AGPAT3: variants seen among roughly 807,000 people sequenced by gnomAD.
The protein encoded by AGPAT3 is 1-acylglycerol-3-phosphate O-acyltransferase 3, also known as 1-acyl-sn-glycerol-3-phosphate acyltransferase gamma.
Under a neutral mutation model 47.3 loss-of-function variants are expected in AGPAT3, and 5 were observed. The observed-to-expected ratio is 0.11, with a 90% CI of 0.06 to 0.22. The LOEUF (loss-of-function observed/expected upper bound fraction) is 0.22, where lower values mean the gene tolerates loss of function less well. Ranked by LOEUF, AGPAT3 falls within the 10% of genes least tolerant of loss-of-function variation. The probability of loss-of-function intolerance (pLI) is 1.00; values close to 1 mark genes in which losing one functional copy is unlikely to be tolerated. For synonymous variants in AGPAT3, 212 were observed against 208.3 expected, an observed-to-expected ratio of 1.02 and a Z score of -0.15; for missense variants, 315 against 493.0, an observed-to-expected ratio of 0.64 and a Z score of 3.42.
At chr21:43,917,940 T>TGTTGTAGGGGGTGTGGGTGTTGGG (rs2086781934) in intron 2 of AGPAT3, among the ~76,000 whole-genome samples, 1 of 25,498 alleles carries the variant, frequency 3.9e-5, no homozygotes, top group East Asian at 2.4e-3. Flanking sequence ...GTGTTGTGGG[T>TGTTGTAGGGGGTGTGGGTGTTGGG]GTTGTGGGGG....
chr21:43,928,626 T>C (rs548201688), intron 2 of AGPAT3, among the ~76,000 whole-genome samples: 152 of 152,372 alleles, frequency 1.0e-3, no homozygotes, highest in Non-Finnish European at 1.8e-3. Context: ...ATGCGCATTT[T>C]AGTAATCGTG....
chr21:43,921,838 C>T (rs148227164), intron 2 of AGPAT3, among the ~76,000 whole-genome samples: 3 of 151,914 alleles, frequency 2.0e-5, no homozygotes, highest in East Asian at 3.9e-4. Context: ...TTTTTTAACA[C>T]GATACTAACC....
In AGPAT3 at chr21:43,985,318, C is replaced by T. The variant is rs777372035; in HGVS notation, c.*2926C>T. 1.4e-5 allele frequency: 6 copies of T among 416,470 alleles called. No individual in the cohort carries two copies. The highest frequency in any genetic ancestry group is 8.2e-5 in the African/African-American group (4 of 48,792). 25.8% of individuals were successfully genotyped at this position (416,470 alleles called of 1,614,324 possible). A position where few individuals can be genotyped will look rare whatever the true frequency, so the allele number is the denominator to read the frequency against. ...CTTTAAGGTCCCTGTCCTCAGGAAG[C>T]GCAGTCTGGTGGAAGAGATGAGCGC... On this transcript the variant is annotated 3_prime_UTR_variant, in exon 10 of 10. Coordinates refer to ENST00000291572, the MANE Select transcript of AGPAT3 (RefSeq NM_020132.5).
At chr21:43,881,952 C>T (rs188980813) in intron 1 of AGPAT3, among the ~76,000 whole-genome samples, 186 of 152,378 alleles carry the variant, frequency 1.2e-3, no homozygotes, top group African/African-American at 4.0e-3. Context: ...CCACCATGCA[C>T]GGCCTATTAA....
chr21:43,905,155 ATATTTATTTATTTATT>A (rs71334019), intron 2 of AGPAT3, among the ~76,000 whole-genome samples: 1,562 of 138,522 alleles, frequency 0.011, 43 homozygotes, highest in African/African-American at 0.034. Context: ...TTTAAAAAAA[ATATTTATTTATTTATT>A]TATTTATTTA....
At chr21:43,963,855 A>G (rs948030657) in intron 3 of AGPAT3, among the ~76,000 whole-genome samples, 12 of 152,236 alleles carry the variant, frequency 7.9e-5, no homozygotes, top group Admixed American at 6.5e-4. Context: ...AAGATCCTCA[A>G]TGTGCTGGAA....
chr21:43,918,462 CA>C (rs1357040860), intron 2 of AGPAT3, among the ~76,000 whole-genome samples: 11 of 151,740 alleles, frequency 7.2e-5, no homozygotes, highest in Admixed American at 7.2e-4. Context: ...AAGTGGGGAA[CA>C]GGGGGAAATG....
rs769965901 is a variant in AGPAT3, at chr21:43,952,341, T to C, written c.-48-7293T>C. Among the ~76,000 whole-genome samples the C allele has an allele frequency of 2.5e-4, 38 of 152,222 alleles. No homozygotes were observed. The highest frequency in any genetic ancestry group is 4.6e-4 in the Non-Finnish European group (31 of 68,004). On this transcript the variant is annotated intron_variant, in intron 2 of 9. Coordinates refer to ENST00000291572, the MANE Select transcript of AGPAT3 (RefSeq NM_020132.5). The surrounding 1 kb of genome is among the most constrained non-coding windows in gnomAD (Gnocchi z 5.6). ...TGATGATATCATTTAACTTAATTAC[T>C]GTGTTAAAGGCCCTGTCTCCAAATA...
At chr21:43,941,760 A>G (rs1328692777) in intron 2 of AGPAT3, among the ~76,000 whole-genome samples, 1 of 152,270 alleles carries the variant, frequency 6.6e-6, no homozygotes, top group Non-Finnish European at 1.5e-5. Flanking sequence ...CGACTCTGGC[A>G]GCTTCCACGG....
Position 43,985,043 on chromosome 21 carries a change from A to T in AGPAT3, c.*2651A>T, listed in dbSNP as rs1304182697. 1 of 451,010 alleles carries T rather than the reference A, an allele frequency of 2.2e-6. No homozygotes were observed. Among genetic ancestry groups the T allele is most frequent in the South Asian group, 1.6e-5 (1 of 64,222 alleles). The allele number at this position is 451,010 out of a possible 1,614,324, so 27.9% of individuals were successfully genotyped here. ...TTACCCACCCAGAGCCAGGCGCCACACTGGAGGCTCCCAGGCGGGAGGGCC... is the reference window on the plus strand; with the variant it reads ...TTACCCACCCAGAGCCAGGCGCCACTCTGGAGGCTCCCAGGCGGGAGGGCC... On this transcript the variant is annotated 3_prime_UTR_variant, in exon 10 of 10. Transcript: ENST00000291572.
At chr21:43,941,533 C>G (rs1460614497) in intron 2 of AGPAT3, among the ~76,000 whole-genome samples, 1 of 152,164 alleles carries the variant, frequency 6.6e-6, no homozygotes, top group African/African-American at 2.4e-5. Flanking sequence ...GGCAACAGAG[C>G]GAGACCCCAT....
At chr21:43,898,063 C>T (rs1424069130) in intron 1 of AGPAT3, among the ~76,000 whole-genome samples, 3 of 151,968 alleles carry the variant, frequency 2.0e-5, no homozygotes, top group Admixed American at 6.6e-5. Context: ...GAGGTTGCAG[C>T]GAGCTGAGAT....
At chr21:43,904,280 T>G (rs1295546114) in intron 2 of AGPAT3, among the ~76,000 whole-genome samples, 1 of 152,264 alleles carries the variant, frequency 6.6e-6, no homozygotes, top group Non-Finnish European at 1.5e-5. Flanking sequence ...CTGCGAGGGA[T>G]GAGCTGAGCT....
At position 43,985,167 on chromosome 21, in the gene AGPAT3, T is replaced by G. The variant is rs540667421; in HGVS notation, c.*2775T>G. 1 of 456,258 alleles carries G rather than the reference T, an allele frequency of 2.2e-6. No homozygotes were observed. The highest frequency in any genetic ancestry group is 1.5e-5 in the South Asian group (1 of 64,568). 28.3% of individuals were successfully genotyped at this position (456,258 alleles called of 1,614,324 possible). A position where few individuals can be genotyped will look rare whatever the true frequency, so the allele number is the denominator to read the frequency against. On this transcript the variant is annotated 3_prime_UTR_variant, in exon 10 of 10. Transcript: ENST00000291572. ...TCCCAGCTTAGGCCCAGGTGCCAGG[T>G]GTCATGGGGTCTCCTGCCCATCTTC... is the stretch of plus-strand genomic sequence containing the variant.
At chr21:43,964,678 C>A (rs1281055543) in intron 3 of AGPAT3, among the ~76,000 whole-genome samples, 1 of 151,984 alleles carries the variant, frequency 6.6e-6, no homozygotes, top group Non-Finnish European at 1.5e-5. Context: ...ATATAAAATT[C>A]CCAGATACTT....
chr21:43,947,901 C>T (rs774981692), intron 2 of AGPAT3, among the ~76,000 whole-genome samples: 6 of 152,124 alleles, frequency 3.9e-5, no homozygotes, highest in Non-Finnish European at 8.8e-5. Flanking sequence ...AGTGATCTGC[C>T]CACCTTGGCC....
At chr21:43,875,448 C>G (rs779912185) in intron 1 of AGPAT3, among the ~76,000 whole-genome samples, 19 of 152,198 alleles carry the variant, frequency 1.2e-4, no homozygotes, top group Non-Finnish European at 2.6e-4. Context: ...CATACAGCAT[C>G]TGCCTTATGC....
chr21:43,929,849 C>T (rs894795699), intron 2 of AGPAT3, among the ~76,000 whole-genome samples: 1 of 152,252 alleles, frequency 6.6e-6, no homozygotes, highest in African/African-American at 2.4e-5. Context: ...CAGCTCCCGC[C>T]TGGCTGAGTG....
intron 2 of AGPAT3, among the ~76,000 whole-genome samples, chr21:43,958,853 G>A (rs2088636850): frequency 7.0e-6 from 1 of 143,438 alleles, no homozygotes; most frequent in Admixed American, 6.9e-5. Flanking sequence ...GGCATGTGTG[G>A]TTTGCGGTGT....
Sources: gnomAD v4.1 joint callset for allele counts (sites outside exome capture counted in the v4.1 genomes callset) on GRCh38, gnomAD v4.1.1 for gene constraint, Gnocchi (gnomAD v3.1) non-coding constraint, MANE v1.5 for transcripts, NCBI Gene and HGNC (gene_info 2026-07-23, HGNC 2026-07-21) for gene names.